The following XKR9 variants were observed in gnomAD, a reference collection of about 807,000 sequenced individuals.
XKR9 encodes XK related 9, also known as XK-related protein 9.
XKR9 carries 32 observed loss-of-function variants against 32.0 expected under a neutral mutation model. The ratio of observed to expected loss-of-function variants is 1.00; its 90% CI spans 0.76 to 1.34. The LOEUF is 1.34. Among genes scored for constraint, XKR9 ranks in the 40% most tolerant of loss-of-function variants. The pLI, the probability that XKR9 is intolerant of heterozygous loss-of-function variation, is 0.00. For synonymous variants in XKR9, 168 were observed against 143.4 expected (o/e 1.17, Z -1.22); for missense variants, 546 against 429.7 (o/e 1.27, Z -2.39).
In XKR9 at chr8:70,681,209, G is replaced by C. The variant is rs372853934; in HGVS notation, c.151G>C (p.Gly51Arg). 1.9e-5 allele frequency: 31 copies of C among 1,613,378 alleles called. No individual in the cohort carries two copies. The highest frequency in any genetic ancestry group is 2.2e-5 in the Non-Finnish European group (26 of 1,179,620). Reference protein sequence around the residue: ...SALALSFMLFGTLVAQCFSYS... With the variant: ...SALALSFMLFRTLVAQCFSYS... ...TTTAGCGTTAAGCTTTATGCTTTTT[G>C]GAACACTTGTGGCTCAGTGTTTTAG... The change falls in exon 3 of 5, where the codon GGA becomes CGA. Residue 51 changes from glycine (G) to arginine (R), a missense_variant. Physicochemically the swap from Gly to Arg is moderately radical, Grantham distance 125. Coordinates refer to ENST00000408926, the MANE Select transcript of XKR9 (RefSeq NM_001011720.2).
chr8:70,899,057 T>G, the XKR9 span, among the ~76,000 whole-genome samples: 81,716 of 151,908 alleles, frequency 0.54, 22,947 homozygotes, highest in Middle Eastern at 0.62. Flanking sequence ...GGGACTAAAA[T>G]TGTGCACCAC....
the XKR9 span, among the ~76,000 whole-genome samples, chr8:70,976,040 G>A: frequency 6.6e-6 from 1 of 152,164 alleles, no homozygotes. Flanking sequence ...TTGGCTCTCT[G>A]TTTGTCTGTT....
the XKR9 span, among the ~76,000 whole-genome samples, chr8:71,010,080 C>T: frequency 8.5e-5 from 13 of 152,172 alleles, no homozygotes; most frequent in Non-Finnish European, 1.5e-4. Context: ...GTTATTTAAT[C>T]TCTCTGAACT....
the XKR9 span, among the ~76,000 whole-genome samples, chr8:70,913,207 G>T: frequency 6.6e-6 from 1 of 152,114 alleles, no homozygotes; most frequent in African/African-American, 2.4e-5. Context: ...ATGTTTCCCA[G>T]CTGATTTTTG....
At chr8:70,987,193 T>C in the XKR9 span, among the ~76,000 whole-genome samples, 1 of 152,112 alleles carries the variant, frequency 6.6e-6, no homozygotes. Context: ...CTGCCAAATC[T>C]CATGTCCTCA....
At chr8:70,740,484 T>C (rs1177510646), downstream of XKR9, among the ~76,000 whole-genome samples, 4 of 152,216 alleles carry the variant, frequency 2.6e-5, no homozygotes, top group African/African-American at 7.2e-5. Flanking sequence ...AGTCATTCTC[T>C]GTCCAGCTTT....
intron 2 of XKR9, among the ~76,000 whole-genome samples, chr8:70,765,787 G>A (rs1807367248): frequency 6.6e-6 from 1 of 152,168 alleles, no homozygotes; most frequent in Non-Finnish European, 1.5e-5. Flanking sequence ...TTTGCATAAG[G>A]TGTAAGGAAG....
At chr8:70,973,226 C>T in the XKR9 span, among the ~76,000 whole-genome samples, 1 of 152,094 alleles carries the variant, frequency 6.6e-6, no homozygotes, top group Non-Finnish European at 1.5e-5. Flanking sequence ...TATCTATCTT[C>T]TCTAGGTTTT....
the XKR9 span, among the ~76,000 whole-genome samples, chr8:71,044,917 G>T: frequency 1.3e-5 from 2 of 152,208 alleles, no homozygotes; most frequent in African/African-American, 4.8e-5. Context: ...AATGTAAGCA[G>T]AAATTCTGTA....
chr8:70,803,906 G>A, the XKR9 span, among the ~76,000 whole-genome samples: 4 of 152,230 alleles, frequency 2.6e-5, no homozygotes, highest in Non-Finnish European at 5.9e-5. Flanking sequence ...GGACTGCTGG[G>A]CCAGAAGCTC....
the XKR9 span, among the ~76,000 whole-genome samples, chr8:70,839,101 T>C: frequency 1.3e-5 from 2 of 152,086 alleles, no homozygotes; most frequent in African/African-American, 4.8e-5. Flanking sequence ...GCAATATTCT[T>C]AAAGAGAATG....
intron 3 of XKR9, among the ~76,000 whole-genome samples, chr8:70,702,161 T>C (rs1263445388): frequency 6.6e-6 from 1 of 152,188 alleles, no homozygotes; most frequent in Non-Finnish European, 1.5e-5. Flanking sequence ...CATGTAGTTA[T>C]GTTCAAATTT....
chr8:70,683,258 T>C (rs994563031), intron 3 of XKR9, among the ~76,000 whole-genome samples: 4 of 152,184 alleles, frequency 2.6e-5, no homozygotes, highest in Non-Finnish European at 5.9e-5. Flanking sequence ...GCTGTTAACA[T>C]TGATAATTTA....
the XKR9 span, among the ~76,000 whole-genome samples, chr8:70,842,013 T>C: frequency 6.6e-6 from 1 of 152,224 alleles, no homozygotes; most frequent in African/African-American, 2.4e-5. Context: ...ATTACTATGA[T>C]GGTTTCTAAG....
At chr8:70,739,041 T>G (rs201499675), downstream of XKR9, among the ~76,000 whole-genome samples, 1 of 150,654 alleles carries the variant, frequency 6.6e-6, no homozygotes, top group African/African-American at 2.4e-5. Flanking sequence ...CTTTCTGTCT[T>G]GTTGATCTGT....
chr8:70,947,003 AGTG>A, the XKR9 span, among the ~76,000 whole-genome samples: 2 of 152,320 alleles, frequency 1.3e-5, no homozygotes, highest in African/African-American at 4.8e-5. Flanking sequence ...ACCAGGGGCC[AGTG>A]TGCAGGTGCT....
the XKR9 span, among the ~76,000 whole-genome samples, chr8:70,913,639 T>A: frequency 6.6e-6 from 1 of 152,140 alleles, no homozygotes; most frequent in Non-Finnish European, 1.5e-5. Flanking sequence ...CATAAAAGTA[T>A]GCTAATCATA....
At chr8:70,751,939 G>A (rs7825446) in intron 2 of XKR9, among the ~76,000 whole-genome samples, 61,309 of 152,034 alleles carry the variant, frequency 0.4, 13,895 homozygotes, top group Non-Finnish European at 0.52. Context: ...TTCCCATAAT[G>A]AAGCCCGTCT....
intron 2 of XKR9, among the ~76,000 whole-genome samples, chr8:70,767,468 G>T (rs1429344757): frequency 1.4e-5 from 2 of 138,534 alleles, no homozygotes; most frequent in East Asian, 4.1e-4. Context: ...TTTTTATTCT[G>T]TCTATTTGAT....
Sources: allele counts gnomAD v4.1 joint callset (sites outside exome capture counted in the v4.1 genomes callset), GRCh38; gene constraint gnomAD v4.1.1; transcripts MANE v1.5; gene names NCBI Gene and HGNC (gene_info 2026-07-23, HGNC 2026-07-21).